The following OR9Q1 variants were observed in gnomAD, a reference collection of about 807,000 sequenced individuals.
OR9Q1 encodes olfactory receptor family 9 subfamily Q member 1.
For missense variants in OR9Q1, 374 were observed against 378.8 expected (o/e 0.99, Z 0.11); for synonymous variants, 153 against 148.6 (o/e 1.03, Z -0.22).
At chr11:58,058,551 A>G (rs904043053) in intron 2 of OR9Q1, among the ~76,000 whole-genome samples, 2 of 152,182 alleles carry the variant, frequency 1.3e-5, no homozygotes, top group African/African-American at 4.8e-5. Context: ...GAGGGGTTAT[A>G]TGTGAAGGAG....
chr11:58,140,615 C>T (rs1039975519), intron 2 of OR9Q1, among the ~76,000 whole-genome samples: 31 of 152,248 alleles, frequency 2.0e-4, no homozygotes, highest in African/African-American at 7.5e-4. Context: ...GGAATTATTT[C>T]TGAGGGCTCC....
intron 2 of OR9Q1, among the ~76,000 whole-genome samples, chr11:58,176,591 A>G (rs1854609014): frequency 6.6e-6 from 1 of 152,206 alleles, no homozygotes. Flanking sequence ...CAGATTTTGC[A>G]GATCTGGAAA....
intron 2 of OR9Q1, among the ~76,000 whole-genome samples, chr11:58,177,456 AGTGGTT>A (rs1854616651): frequency 6.6e-6 from 1 of 152,172 alleles, no homozygotes; most frequent in African/African-American, 2.4e-5. Flanking sequence ...TACCTCATGT[AGTGGTT>A]GTGGGGATTA....
Position 58,086,692 on chromosome 11 carries a change from T to A in OR9Q1, c.-15+30745T>A, listed in dbSNP as rs1285056561. Among the ~76,000 whole-genome samples, 2 of 151,686 alleles carry A rather than the reference T, an allele frequency of 1.3e-5. 1 individual carries two copies. Among genetic ancestry groups the A allele is most frequent in the African/African-American group, 4.9e-5 (2 of 41,102 alleles). Reference sequence around the variant, plus strand: ...ATACAGCCCTAAAAAAGAAAAATAATTTAAAATTTGTGACGACATGAGTGA... The same window carrying A: ...ATACAGCCCTAAAAAAGAAAAATAAATTAAAATTTGTGACGACATGAGTGA... On this transcript the variant is annotated intron_variant, in intron 2 of 2. Transcript: ENST00000335397.
chr11:58,063,000 T>C (rs977766337), intron 2 of OR9Q1, among the ~76,000 whole-genome samples: 1 of 152,186 alleles, frequency 6.6e-6, no homozygotes, highest in African/African-American at 2.4e-5. Context: ...CGAGCATCCC[T>C]GAGGATAGGG....
intron 2 of OR9Q1, among the ~76,000 whole-genome samples, chr11:58,097,768 A>G (rs1369850727): frequency 6.6e-6 from 1 of 152,260 alleles, no homozygotes; most frequent in Non-Finnish European, 1.5e-5. Context: ...AGGAAATTCC[A>G]TTCAGCAATC....
chr11:58,066,410 T>G (rs1047531053), intron 2 of OR9Q1, among the ~76,000 whole-genome samples: 1 of 152,064 alleles, frequency 6.6e-6, no homozygotes, highest in Non-Finnish European at 1.5e-5. Context: ...CTGGGGGTCC[T>G]TTGTTGTCAG....
intron 2 of OR9Q1, among the ~76,000 whole-genome samples, chr11:58,156,559 A>C (rs992685011): frequency 6.6e-6 from 1 of 152,206 alleles, no homozygotes; most frequent in Admixed American, 6.5e-5. Context: ...TATTAAGAAA[A>C]AATTACATCT....
chr11:58,149,007 A>G (rs969660862), intron 2 of OR9Q1, among the ~76,000 whole-genome samples: 10 of 152,190 alleles, frequency 6.6e-5, no homozygotes, highest in African/African-American at 1.9e-4. Flanking sequence ...TGAAAAGAAC[A>G]TTGTGTCTTT....
intron 2 of OR9Q1, among the ~76,000 whole-genome samples, chr11:58,066,563 C>T (rs894518171): frequency 6.6e-6 from 1 of 152,098 alleles, no homozygotes; most frequent in African/African-American, 2.4e-5. Context: ...TCCAGGTCTC[C>T]GAGACTTTCT....
chr11:58,159,043 C>A (rs1255970712), intron 2 of OR9Q1, among the ~76,000 whole-genome samples: 1 of 152,190 alleles, frequency 6.6e-6, no homozygotes, highest in African/African-American at 2.4e-5. Context: ...AAACATCTTA[C>A]AGTCACTTGA....
intron 2 of OR9Q1, chr11:58,145,081 C>A: frequency 6.5e-6 from 1 of 154,426 alleles, no homozygotes; most frequent in South Asian, 1.8e-4. Flanking sequence ...GGTAATCTAC[C>A]TCTCAGCTTT....
intron 2 of OR9Q1, among the ~76,000 whole-genome samples, chr11:58,074,586 C>T (rs1440524916): frequency 2.0e-5 from 3 of 152,120 alleles, no homozygotes; most frequent in Non-Finnish European, 2.9e-5. Flanking sequence ...TTTTCCTTTG[C>T]TGTGCAGAAG....
At chr11:58,082,385 G>A (rs2120044636) in intron 2 of OR9Q1, among the ~76,000 whole-genome samples, 1 of 152,038 alleles carries the variant, frequency 6.6e-6, no homozygotes, top group African/African-American at 2.4e-5. Context: ...AGAAAATGAG[G>A]CACATATACA....
chr11:58,155,007 A>G (rs1442908875), intron 2 of OR9Q1, among the ~76,000 whole-genome samples: 2 of 152,200 alleles, frequency 1.3e-5, no homozygotes, highest in African/African-American at 2.4e-5. Context: ...TACAGCATTT[A>G]TATTTCTACC....
chr11:58,044,715 G>A (rs1230189171), intron 1 of OR9Q1: 1 of 152,124 alleles, frequency 6.6e-6, no homozygotes, highest in Non-Finnish European at 1.5e-5. Context: ...CAGGGTGTTA[G>A]GGAAACAGTG....
intron 2 of OR9Q1, among the ~76,000 whole-genome samples, chr11:58,148,732 A>G (rs952897433): frequency 3.9e-5 from 6 of 152,192 alleles, no homozygotes; most frequent in Non-Finnish European, 8.8e-5. Flanking sequence ...CTGAATTCAA[A>G]CCTCAAACTA....
chr11:58,174,652 T>C (rs1854587181), intron 2 of OR9Q1, among the ~76,000 whole-genome samples: 1 of 148,942 alleles, frequency 6.7e-6, no homozygotes, highest in Admixed American at 6.8e-5. Flanking sequence ...TTATCTAGTA[T>C]GTTAGAAGTT....
At chr11:58,116,953 T>A (rs1388672534) in intron 2 of OR9Q1, 1 of 152,248 alleles carries the variant, frequency 6.6e-6, no homozygotes, top group Non-Finnish European at 1.5e-5. Context: ...ATACATGCAC[T>A]CCACCTTTCC....
Sources: gnomAD v4.1 joint callset for allele counts (sites outside exome capture counted in the v4.1 genomes callset) on GRCh38, gnomAD v4.1.1 for gene constraint, MANE v1.5 for transcripts, NCBI Gene and HGNC (gene_info 2026-07-23, HGNC 2026-07-21) for gene names.